MIPOL1: variants seen among roughly 807,000 people sequenced by gnomAD.
MIPOL1 encodes the protein mirror-image polydactyly 1, also known as mirror-image polydactyly gene 1 protein.
In MIPOL1, 57 loss-of-function variants were observed where a neutral mutation model predicts 60.9. The ratio of observed to expected loss-of-function variants is 0.94; its 90% CI spans 0.76 to 1.17. MIPOL1 has a LOEUF of 1.17. MIPOL1 is among the 50% of genes most tolerant of loss of function. MIPOL1 has a pLI of 0.00. For synonymous variants in MIPOL1, 179 were observed against 168.8 expected (o/e 1.06, Z -0.47); for missense variants, 551 against 511.6 (o/e 1.08, Z -0.74).
Position 37,409,062 on chromosome 14 carries a change from A to AAAC in MIPOL1, c.937-13792_937-13790dup, listed in dbSNP as rs1281520000. Among the ~76,000 whole-genome samples the AAAC allele has an allele frequency of 4.6e-5, 7 of 152,290 alleles. No individual in the cohort carries two copies. The South Asian group carries it at 1.2e-3, about 27-fold the overall frequency. ...CAGCAAGGCTAGGGAGCTGAACCAG[A>AAAC]AACTCCTGCATTATTTCAGGCCTCT... On this transcript the variant is annotated intron_variant, in intron 10 of 12. Coordinates refer to ENST00000684589, the MANE Select transcript of MIPOL1 (RefSeq NM_001388067.1).
At chr14:37,241,512 G>A (rs193036422) in intron 1 of MIPOL1, among the ~76,000 whole-genome samples, 2 of 134,760 alleles carry the variant, frequency 1.5e-5, no homozygotes, top group African/African-American at 5.4e-5. Flanking sequence ...GAGTCCAGAA[G>A]TTTGAGACCA....
chr14:37,250,064 A>G (rs752681875), intron 3 of MIPOL1, among the ~76,000 whole-genome samples: 8 of 152,164 alleles, frequency 5.3e-5, no homozygotes, highest in Non-Finnish European at 8.8e-5. Context: ...TGAAAAGGAA[A>G]GTTTTATGGT....
intron 12 of MIPOL1, among the ~76,000 whole-genome samples, chr14:37,521,522 CCATATA>C (rs1416180968): frequency 1.3e-5 from 2 of 151,968 alleles, no homozygotes; most frequent in Admixed American, 1.3e-4. Context: ...ATTTCAACAT[CCATATA>C]CTTTCTGCTT....
Position 37,301,400 on chromosome 14 carries a change from G to C in MIPOL1, c.624-6656G>C, listed in dbSNP as rs1384468432. ...TATTTGTTGAAACCCAGTATACATT[G>C]TAACTCTTTCTGAATCATTAACCTG... On this transcript the variant is annotated intron_variant, in intron 7 of 12. Transcript: ENST00000684589. Among the ~76,000 whole-genome samples, 22 of 15,846 alleles carry C rather than the reference G, an allele frequency of 1.4e-3. 10 individuals carry two copies. Among genetic ancestry groups the C allele is most frequent in the African/African-American group, 1.7e-3 (22 of 12,620 alleles). The allele number at this position is 15,846 out of a possible 152,430, so 10.4% of individuals were successfully genotyped here.
chr14:37,426,570 C>CATATATATATAT (rs68123796), intron 11 of MIPOL1, among the ~76,000 whole-genome samples: 9,609 of 84,972 alleles, frequency 0.11, 910 homozygotes, highest in East Asian at 0.24. Flanking sequence ...TCAAAATATA[C>CATATATATATAT]ATATATATAT....
At chr14:37,446,741 G>A (rs1014092608) in intron 11 of MIPOL1, among the ~76,000 whole-genome samples, 9 of 152,118 alleles carry the variant, frequency 5.9e-5, no homozygotes, top group Non-Finnish European at 1.3e-4. Flanking sequence ...ATACTATGCA[G>A]CCATAAAAAA....
intron 10 of MIPOL1, among the ~76,000 whole-genome samples, chr14:37,380,043 G>T (rs2092884319): frequency 6.6e-6 from 1 of 152,034 alleles, no homozygotes; most frequent in Non-Finnish European, 1.5e-5. Flanking sequence ...TTGGAATTGG[G>T]ATACTGAAAG....
At chr14:37,217,444 A>C (rs1435248033) in intron 1 of MIPOL1, among the ~76,000 whole-genome samples, 1 of 152,224 alleles carries the variant, frequency 6.6e-6, no homozygotes, top group African/African-American at 2.4e-5. Context: ...CACATCAAAA[A>C]AAGAAAGCCA....
chr14:37,213,902 G>T (rs990321943), intron 1 of MIPOL1, among the ~76,000 whole-genome samples: 1 of 151,998 alleles, frequency 6.6e-6, no homozygotes, highest in Non-Finnish European at 1.5e-5. Context: ...TATAGGTCAG[G>T]AGTTAGTGTC....
chr14:37,342,291 G>A (rs1230313783), intron 9 of MIPOL1, among the ~76,000 whole-genome samples: 1 of 151,928 alleles, frequency 6.6e-6, no homozygotes, highest in Non-Finnish European at 1.5e-5. Context: ...TGGGAGGGAG[G>A]CGGAGGTTGC....
intron 11 of MIPOL1, among the ~76,000 whole-genome samples, chr14:37,456,971 A>G (rs926090428): frequency 1.3e-5 from 2 of 152,188 alleles, no homozygotes; most frequent in Non-Finnish European, 1.5e-5. Flanking sequence ...TAATATTTGC[A>G]TAATAATTGG....
intron 10 of MIPOL1, among the ~76,000 whole-genome samples, chr14:37,373,688 CG>C (rs1435602753): frequency 6.6e-6 from 1 of 152,126 alleles, no homozygotes; most frequent in Non-Finnish European, 1.5e-5. Flanking sequence ...TTTCCAACTT[CG>C]TCCATGTCCT....
At chr14:37,296,987 G>T (rs1368981393) in intron 7 of MIPOL1, among the ~76,000 whole-genome samples, 2 of 152,040 alleles carry the variant, frequency 1.3e-5, no homozygotes, top group African/African-American at 2.4e-5. Context: ...CCAAAGCCTG[G>T]CAGAGACACA....
intron 9 of MIPOL1, among the ~76,000 whole-genome samples, chr14:37,333,095 T>C (rs1020018468): frequency 2.3e-4 from 35 of 152,116 alleles, no homozygotes; most frequent in Non-Finnish European, 4.4e-5. Context: ...GCAAAAGTAG[T>C]TGTGGTTTTT....
chr14:37,501,291 A>G (rs2095212142), intron 12 of MIPOL1, among the ~76,000 whole-genome samples: 1 of 152,254 alleles, frequency 6.6e-6, no homozygotes, highest in Non-Finnish European at 1.5e-5. Context: ...ACTATGATGT[A>G]TAGGTAGATC....
chr14:37,394,057 CATAT>C (rs56361320), intron 10 of MIPOL1, among the ~76,000 whole-genome samples: 3,009 of 73,274 alleles, frequency 0.041, 342 homozygotes, highest in African/African-American at 0.13. Context: ...TTAGTAGTGG[CATAT>C]ATATATATAT....
chr14:37,389,183 T>C (rs1215102090), intron 10 of MIPOL1, among the ~76,000 whole-genome samples: 2 of 151,890 alleles, frequency 1.3e-5, no homozygotes, highest in Non-Finnish European at 2.9e-5. Flanking sequence ...CTAAAAGAAA[T>C]TGGAAATATT....
At chr14:37,465,967 T>A (rs2094593375) in intron 11 of MIPOL1, among the ~76,000 whole-genome samples, 1 of 152,170 alleles carries the variant, frequency 6.6e-6, no homozygotes, top group African/African-American at 2.4e-5. Context: ...AACTGCTAGT[T>A]TTTTTGCTTA....
At chr14:37,437,905 T>C (rs905185850) in intron 11 of MIPOL1, among the ~76,000 whole-genome samples, 3 of 152,222 alleles carry the variant, frequency 2.0e-5, no homozygotes, top group African/African-American at 7.2e-5. Context: ...TTTGAGATTC[T>C]GTTAATACAT....
Sources: gnomAD v4.1 joint callset for allele counts (sites outside exome capture counted in the v4.1 genomes callset) on GRCh38, gnomAD v4.1.1 for gene constraint, MANE v1.5 for transcripts, NCBI Gene and HGNC (gene_info 2026-07-23, HGNC 2026-07-21) for gene names.